LRRC39: variants seen among roughly 807,000 people sequenced by gnomAD.
The protein encoded by LRRC39 is leucine-rich repeat-containing protein 39.
LRRC39 carries 35 observed loss-of-function variants against 39.7 expected under a neutral mutation model. The ratio of observed to expected loss-of-function variants is 0.88; its 90% confidence interval spans 0.67 to 1.17. The LOEUF (loss-of-function observed/expected upper bound fraction) is 1.17. Ranked by LOEUF, LRRC39 falls within the 50% of genes most tolerant of loss-of-function variation. The pLI is 0.00. For synonymous variants in LRRC39, 113 were observed against 134.1 expected (o/e 0.84, Z 1.09); for missense variants, 357 against 385.8 (o/e 0.93, Z 0.62).
In LRRC39 at chr1:100,177,206, G is replaced by C. The variant is rs181035323; in HGVS notation, c.-119+929C>G. On this transcript the variant is annotated intron_variant, in intron 1 of 9. Coordinates refer to ENST00000370137, the MANE Select transcript of LRRC39 (RefSeq NM_144620.4). Reference sequence around the variant, plus strand: ...AAGAAAAAAAAGAGAGAAATATGGAGATAACCACTGAAAACTAAATTCCAA... The same window carrying C: ...AAGAAAAAAAAGAGAGAAATATGGACATAACCACTGAAAACTAAATTCCAA... 1.6e-3 allele frequency among the ~76,000 whole-genome samples: 239 copies of C among 152,148 alleles called. 4 individuals carry two copies. The highest frequency in any genetic ancestry group is 2.7e-3 in the Non-Finnish European group (183 of 67,978).
intron 2 of LRRC39, among the ~76,000 whole-genome samples, chr1:100,173,108 C>A (rs1306924247): frequency 6.6e-6 from 1 of 151,268 alleles, no homozygotes. Context: ...GGTGTGGTGG[C>A]ATGCACCTGT....
At chr1:100,165,767 T>TGGGA (rs1271924004) in intron 3 of LRRC39, among the ~76,000 whole-genome samples, 3 of 152,086 alleles carry the variant, frequency 2.0e-5, no homozygotes, top group Admixed American at 2.0e-4. Context: ...CCACGTGTTG[T>TGGGA]GGGAGGGTCC....
At chr1:100,152,345 C>T in intron 9 of LRRC39, 40 bp downstream of exon 9, 2 of 1,588,636 alleles carry the variant, frequency 1.3e-6, no homozygotes, top group Non-Finnish European at 1.7e-6. Flanking sequence ...CATTACTCTA[C>T]CAAAAAACAT....
intron 3 of LRRC39, among the ~76,000 whole-genome samples, chr1:100,166,040 G>A (rs928650503): frequency 1.3e-5 from 2 of 151,820 alleles, no homozygotes; most frequent in Admixed American, 1.3e-4. Context: ...ATGTCTGGCT[G>A]AGGATTCCCC....
In LRRC39 at chr1:100,148,869, T is replaced by C; in HGVS notation, c.*173A>G. 1 of 1,240,598 alleles carries C rather than the reference T, an allele frequency of 8.1e-7. No individual in the cohort carries two copies. Among genetic ancestry groups the C allele is most frequent in the Non-Finnish European group, 1.0e-6 (1 of 960,290 alleles). 76.8% of individuals were successfully genotyped at this position (1,240,598 alleles called of 1,614,324 possible). A position where few individuals can be genotyped will look rare whatever the true frequency, so the allele number is the denominator to read the frequency against. The stretch of plus-strand genomic sequence containing the variant: ...CTGTCTTCCACCAAAAAAAATTTTT[T>C]AATTATATTTTTATATCAAAAAAAT... On this transcript the variant is annotated 3_prime_UTR_variant, in exon 10 of 10. Coordinates refer to ENST00000370137, the MANE Select transcript of LRRC39 (RefSeq NM_144620.4).
chr1:100,159,490 T>G, intron 4 of LRRC39, 75 bp from the exon 5 acceptor site: 1 of 1,213,094 alleles, frequency 8.2e-7, no homozygotes, highest in Non-Finnish European at 1.1e-6. Flanking sequence ...AAATGTGATA[T>G]TTGACTTATA....
chr1:100,158,725 C>G (rs1477219594), intron 5 of LRRC39, among the ~76,000 whole-genome samples: 2 of 152,218 alleles, frequency 1.3e-5, no homozygotes, highest in East Asian at 1.9e-4. Flanking sequence ...CGTGAGCCAC[C>G]GCGCCCGGCC....
chr1:100,155,047 T>C lies in LRRC39; in HGVS notation c.812+4A>G, dbSNP rs202047631. ...TTTTCAGTTTTGTGCCTACAACTTT[T>C]TACCTCAGATTTGCCATTTCTTCCA... On this transcript the variant is annotated splice_donor_region_variant and intron_variant, in intron 8 of 9. Coordinates refer to ENST00000370137, the MANE Select transcript of LRRC39 (RefSeq NM_144620.4). 86 of 1,563,038 alleles carry C rather than the reference T, an allele frequency of 5.5e-5. No homozygotes were observed. The African/African-American group carries it at 1.1e-3, about 20-fold the overall frequency.
intron 3 of LRRC39, among the ~76,000 whole-genome samples, chr1:100,163,883 G>T (rs2101783824): frequency 6.6e-6 from 1 of 152,172 alleles, no homozygotes; most frequent in East Asian, 1.9e-4. Flanking sequence ...GACCAGCCTG[G>T]CCAACATGAT....
Position 100,162,811 on chromosome 1 carries a change from T to C in LRRC39, c.114-2240A>G, listed in dbSNP as rs146523909. On this transcript the variant is annotated intron_variant, in intron 3 of 9. Transcript: ENST00000370137. Reference sequence around the variant, plus strand: ...TATGAGCAGTCCTGAAAGCATGAAGTTTAACTAATTTGAATATTTGTTTGC... The same window carrying C: ...TATGAGCAGTCCTGAAAGCATGAAGCTTAACTAATTTGAATATTTGTTTGC... Among the ~76,000 whole-genome samples, 186 of 152,282 alleles carry C rather than the reference T, an allele frequency of 1.2e-3. 2 individuals carry two copies. The South Asian group carries it at 0.012, about 10-fold the overall frequency.
intron 3 of LRRC39, 64 bp downstream of exon 3, chr1:100,168,339 CT>C: frequency 3.3e-6 from 4 of 1,213,708 alleles, no homozygotes; most frequent in Non-Finnish European, 3.4e-6. Flanking sequence ...TTAGAATGCT[CT>C]TTTTTATGGT....
Position 100,148,543 on chromosome 1 carries a change from C to T in LRRC39, c.*499G>A, listed in dbSNP as rs1657587131. The T allele has an allele frequency of 1.5e-6, 2 of 1,323,178 alleles. No homozygotes were observed. The highest frequency in any genetic ancestry group is 2.2e-5 in the Admixed American group (1 of 44,992). 82.0% of individuals were successfully genotyped at this position (1,323,178 alleles called of 1,614,324 possible). A position where few individuals can be genotyped will look rare whatever the true frequency, so the allele number is the denominator to read the frequency against. ...TACATTATGGGTTAGTTAACAGTCT[C>T]TCAATAAATAGTGACAAAAATAATT... is the stretch of plus-strand genomic sequence containing the variant. On this transcript the variant is annotated 3_prime_UTR_variant, in exon 10 of 10. Coordinates refer to ENST00000370137, the MANE Select transcript of LRRC39 (RefSeq NM_144620.4).
Position 100,149,016 on chromosome 1 carries a change from TC to T in LRRC39, c.*25del. On this transcript the variant is annotated 3_prime_UTR_variant, in exon 10 of 10. Coordinates refer to ENST00000370137, the MANE Select transcript of LRRC39 (RefSeq NM_144620.4). ...ATTAGAGAATTCACCAAAGTAATCC[TC>T]TTTAGAAGGGCATCTTGAATTATAT... is the stretch of plus-strand genomic sequence containing the variant. 6.5e-7 allele frequency: 1 copy of T among 1,530,920 alleles called. No individual in the cohort carries two copies. The highest frequency in any genetic ancestry group is 8.8e-7 in the Non-Finnish European group (1 of 1,142,698). 94.8% of individuals were successfully genotyped at this position (1,530,920 alleles called of 1,614,324 possible). A position where few individuals can be genotyped will look rare whatever the true frequency, so the allele number is the denominator to read the frequency against.
intron 3 of LRRC39, among the ~76,000 whole-genome samples, chr1:100,165,961 G>A (rs1258588357): frequency 3.4e-5 from 5 of 146,512 alleles, no homozygotes; most frequent in African/African-American, 1.3e-4. Context: ...TGCAACCTCT[G>A]CTTCCTGGGT....
chr1:100,159,606 C>CTTTTTTTTTT lies in LRRC39; in HGVS notation c.220-201_220-192dup, dbSNP rs10593200. Among the ~76,000 whole-genome samples, 4 of 41,284 alleles carry CTTTTTTTTTT rather than the reference C, an allele frequency of 9.7e-5. 1 individual carries two copies. The highest frequency in any genetic ancestry group is 2.6e-4 in the Admixed American group (1 of 3,810). The allele number at this position is 41,284 out of a possible 152,430, so 27.1% of individuals were successfully genotyped here. A position where few individuals can be genotyped will look rare whatever the true frequency, so the allele number is the denominator to read the frequency against. On this transcript the variant is annotated intron_variant, in intron 4 of 9. Coordinates refer to ENST00000370137, the MANE Select transcript of LRRC39 (RefSeq NM_144620.4). ...GATCTTTCCTTTTTTTTTTCTTTTC[C>CTTTTTTTTTT]TTTTTTTTTTTTTTTTTTTTTGGCT...
intron 5 of LRRC39, among the ~76,000 whole-genome samples, chr1:100,158,583 C>T (rs1658643673): frequency 6.6e-6 from 1 of 152,082 alleles, no homozygotes; most frequent in African/African-American, 2.4e-5. Context: ...ACTACAGGCG[C>T]CCGCCACCGC....
intron 2 of LRRC39, among the ~76,000 whole-genome samples, chr1:100,172,936 G>A (rs1005552621): frequency 6.7e-6 from 1 of 149,820 alleles, no homozygotes; most frequent in Non-Finnish European, 1.5e-5. Flanking sequence ...CTCCATCCTG[G>A]GTGACAGAGC....
chr1:100,154,165 C>G (rs1309386055), intron 8 of LRRC39, among the ~76,000 whole-genome samples: 1 of 151,812 alleles, frequency 6.6e-6, no homozygotes, highest in African/African-American at 2.4e-5. Context: ...ATGTAAAATC[C>G]CAACTAAAAC....
At chr1:100,176,109 A>G (rs992779722) in intron 1 of LRRC39, among the ~76,000 whole-genome samples, 5 of 152,198 alleles carry the variant, frequency 3.3e-5, no homozygotes, top group Non-Finnish European at 7.3e-5. Context: ...ACATGATAGT[A>G]AAAAAATTAA....
Sources: allele counts gnomAD v4.1 joint callset (sites outside exome capture counted in the v4.1 genomes callset), GRCh38; gene constraint gnomAD v4.1.1; transcripts MANE v1.5; gene names NCBI Gene and HGNC (gene_info 2026-07-23, HGNC 2026-07-21).